CDH11: variants seen among roughly 807,000 people sequenced by gnomAD.
CDH11 encodes cadherin-11.
Under a neutral mutation model 67.8 loss-of-function variants are expected in CDH11, and 11 were observed. The observed-to-expected ratio is 0.16, with a 90% CI of 0.10 to 0.27. The LOEUF (loss-of-function observed/expected upper bound fraction) is 0.27, where lower values mean the gene tolerates loss of function less well. CDH11 is among the 10% of genes least tolerant of loss of function. The pLI is 1.00. For synonymous variants in CDH11, 419 were observed against 400.0 expected (o/e 1.05, Z -0.57); for missense variants, 847 against 1,031.2 (o/e 0.82, Z 2.45).
chr16:64,953,218 T>C (rs1370306142), intron 11 of CDH11, among the ~76,000 whole-genome samples: 1 of 151,936 alleles, frequency 6.6e-6, no homozygotes, highest in Non-Finnish European at 1.5e-5. Context: ...CCCATGAATA[T>C]GGAAGGCCTA....
At chr16:65,025,075 G>A (rs2073504469) in intron 2 of CDH11, among the ~76,000 whole-genome samples, 1 of 152,206 alleles carries the variant, frequency 6.6e-6, no homozygotes, top group Non-Finnish European at 1.5e-5. Flanking sequence ...ATAATCTCAT[G>A]GTACAGGGAG....
At chr16:65,019,699 A>G (rs547126009) in intron 2 of CDH11, among the ~76,000 whole-genome samples, 1 of 152,160 alleles carries the variant, frequency 6.6e-6, no homozygotes. Flanking sequence ...ATATGGGCCC[A>G]GATTTTGTAT....
chr16:65,058,706 T>A (rs1350989661), intron 1 of CDH11, among the ~76,000 whole-genome samples: 1 of 152,204 alleles, frequency 6.6e-6, no homozygotes, highest in Non-Finnish European at 1.5e-5. Context: ...AACAGGAAGC[T>A]GTTGCATGTG....
chr16:65,067,480 T>C (rs556452770), intron 1 of CDH11, among the ~76,000 whole-genome samples: 10 of 152,362 alleles, frequency 6.6e-5, no homozygotes, highest in Middle Eastern at 3.4e-3. Context: ...AAGAATTTTC[T>C]CTTCTTTGTT....
intron 1 of CDH11, among the ~76,000 whole-genome samples, chr16:65,065,571 C>T (rs1398434271): frequency 6.6e-6 from 1 of 152,166 alleles, no homozygotes; most frequent in Non-Finnish European, 1.5e-5. Flanking sequence ...TGCCAGCATA[C>T]TATTTATCCC....
chr16:64,992,059 A>G, intron 5 of CDH11, 124 bp from the exon 6 acceptor site: 6 of 628,124 alleles, frequency 9.6e-6, no homozygotes, highest in Non-Finnish European at 1.3e-5. Flanking sequence ...GAATCATTTC[A>G]ACATGGTAAT....
intron 11 of CDH11, among the ~76,000 whole-genome samples, chr16:64,956,868 A>G (rs35140): frequency 0.26 from 39,713 of 152,106 alleles, 6,010 homozygotes; most frequent in Middle Eastern, 0.36. Flanking sequence ...ATGTAGCCCA[A>G]TGAGGAAATA....
intron 2 of CDH11, among the ~76,000 whole-genome samples, chr16:65,032,684 A>T (rs540075915): frequency 1.7e-4 from 26 of 152,342 alleles, no homozygotes; most frequent in African/African-American, 6.0e-4. Flanking sequence ...TTGCAAAAAA[A>T]GAAAATTAAT....
intron 1 of CDH11, among the ~76,000 whole-genome samples, chr16:65,070,897 A>G: frequency 6.6e-6 from 1 of 152,198 alleles, no homozygotes; most frequent in East Asian, 1.9e-4. Context: ...TGACAAGGTC[A>G]CAGACTCTGG....
At chr16:64,948,797 G>C (rs776381259) in intron 12 of CDH11, 5 of 1,569,038 alleles carry the variant, frequency 3.2e-6, no homozygotes, top group Non-Finnish European at 3.5e-6. Flanking sequence ...CCTAGGAGGG[G>C]TGATCAGAGT....
At chr16:65,004,463 A>AT (rs1335753102) in intron 3 of CDH11, among the ~76,000 whole-genome samples, 179 bp downstream of exon 3, 1 of 152,006 alleles carries the variant, frequency 6.6e-6, no homozygotes, top group Non-Finnish European at 1.5e-5. Flanking sequence ...TAAGTCTATT[A>AT]TTTTTTTTAA....
rs12598421 is a variant in CDH11 at position 65,108,564 on chromosome 16, G to A, written c.-298+13316C>T. Among the ~76,000 whole-genome samples, 2,430 of 152,080 alleles carry A rather than the reference G, an allele frequency of 0.016. 123 individuals carry two copies. The East Asian group carries it at 0.2, about 13-fold the overall frequency. ...TCAAGATAGATCTCCCTTTACTACT[G>A]GAATATTTTGGCAAAGTATTGAGAT... On this transcript the variant is annotated intron_variant, in intron 1 of 12. Transcript: ENST00000268603.
At chr16:64,951,125 CG>C (rs2071352134) in intron 11 of CDH11, 107 bp from the exon 12 acceptor site, 1 of 1,114,774 alleles carries the variant, frequency 9.0e-7, no homozygotes, top group South Asian at 1.5e-5. Flanking sequence ...AAAGGTTAAC[CG>C]CCAGAATCGT....
At chr16:65,035,049 T>TGCTGGGAGGCGGG (rs2073724645) in intron 2 of CDH11, among the ~76,000 whole-genome samples, 1 of 152,004 alleles carries the variant, frequency 6.6e-6, no homozygotes, top group Non-Finnish European at 1.5e-5. Flanking sequence ...GCTCATGAGG[T>TGCTGGGAGGCGGG]GCTGGGAGGC....
chr16:64,949,274 G>A (rs540548534), intron 12 of CDH11, among the ~76,000 whole-genome samples: 80 of 151,824 alleles, frequency 5.3e-4, no homozygotes, highest in African/African-American at 1.7e-3. Flanking sequence ...AACTTTTTAG[G>A]GCTTTTGTAT....
upstream of CDH11, chr16:65,122,309 C>G (rs994506034): frequency 3.3e-6 from 1 of 304,344 alleles, no homozygotes; most frequent in Non-Finnish European, 6.2e-6. Context: ...GATTCGTGGC[C>G]GCCCCTCCCG....
intron 2 of CDH11, among the ~76,000 whole-genome samples, chr16:65,024,478 A>G (rs926776343): frequency 6.6e-6 from 1 of 152,168 alleles, no homozygotes; most frequent in Admixed American, 6.5e-5. Context: ...GTAAATAACC[A>G]CTGGTTTAGA....
intron 2 of CDH11, among the ~76,000 whole-genome samples, chr16:65,009,471 T>A (rs546315659): frequency 6.6e-6 from 1 of 152,256 alleles, no homozygotes; most frequent in East Asian, 1.9e-4. Context: ...TTCAGTTTTT[T>A]GTTTTGTTTT....
intron 1 of CDH11, among the ~76,000 whole-genome samples, chr16:65,094,442 T>TACAC (rs749399832): frequency 5.1e-4 from 75 of 148,394 alleles, no homozygotes; most frequent in African/African-American, 1.6e-3. Flanking sequence ...CACACACACA[T>TACAC]ACACACACAC....
Sources: allele counts gnomAD v4.1 joint callset (sites outside exome capture counted in the v4.1 genomes callset), GRCh38; gene constraint gnomAD v4.1.1; transcripts MANE v1.5; gene names NCBI Gene and HGNC (gene_info 2026-07-23, HGNC 2026-07-21).